Variants in DACH1 observed in about 807,000 individuals in gnomAD.
DACH1 encodes dachshund family transcription factor 1.
DACH1 carries 12 observed loss-of-function variants against 54.2 expected under a neutral mutation model. The ratio of observed to expected loss-of-function variants is 0.22; its 90% confidence interval spans 0.14 to 0.36. DACH1 has a LOEUF of 0.36. Among genes scored for constraint, DACH1 ranks in the 10% least tolerant of loss-of-function variants. The pLI is 1.00. For missense variants in DACH1, 805 were observed against 929.8 expected (o/e 0.87, Z 1.75); for synonymous variants, 386 against 366.2 (o/e 1.05, Z -0.62).
intron 3 of DACH1, among the ~76,000 whole-genome samples, chr13:71,593,972 T>C (rs908418115): frequency 6.6e-6 from 1 of 151,458 alleles, no homozygotes; most frequent in African/African-American, 2.4e-5. Context: ...GTTAACAATA[T>C]AATTTCCAAT....
chr13:71,573,185 T>C (rs1255269884), intron 3 of DACH1, among the ~76,000 whole-genome samples, 173 bp from the exon 4 acceptor site: 1 of 152,198 alleles, frequency 6.6e-6, no homozygotes, highest in Non-Finnish European at 1.5e-5. Context: ...TCTGGTTTGG[T>C]GCCCTGGTTT....
chr13:71,679,941 C>CAAAA (rs71123298), intron 2 of DACH1, among the ~76,000 whole-genome samples: 6 of 70,158 alleles, frequency 8.6e-5, no homozygotes, highest in Non-Finnish European at 1.2e-4. Context: ...GACTCCGTCT[C>CAAAA]AAAAAAAAAA....
chr13:71,506,765 A>G (rs1370374207), intron 6 of DACH1, among the ~76,000 whole-genome samples: 2 of 152,124 alleles, frequency 1.3e-5, no homozygotes, highest in South Asian at 2.1e-4. Context: ...ATCTACAACT[A>G]TCTGATCTTT....
At chr13:71,710,913 T>C (rs1042363931) in intron 1 of DACH1, among the ~76,000 whole-genome samples, 1 of 152,176 alleles carries the variant, frequency 6.6e-6, no homozygotes, top group African/African-American at 2.4e-5. Flanking sequence ...TTAGAAAAAT[T>C]AAATATTACT....
At chr13:71,448,552 A>C (rs866260678) in intron 10 of DACH1, among the ~76,000 whole-genome samples, 18 of 152,160 alleles carry the variant, frequency 1.2e-4, no homozygotes, top group African/African-American at 4.3e-4. Flanking sequence ...CTTTTTTTAT[A>C]ATTTTATATT....
At chr13:71,662,756 G>A (rs1879591836) in intron 2 of DACH1, among the ~76,000 whole-genome samples, 1 of 151,872 alleles carries the variant, frequency 6.6e-6, no homozygotes, top group African/African-American at 2.4e-5. Context: ...TACAAATGAA[G>A]TTTTGAGTTG....
rs188404514 is a variant in DACH1 at position 71,653,070 on chromosome 13, A to G, written c.965-22353T>C. Among the ~76,000 whole-genome samples the G allele has an allele frequency of 5.3e-5, 8 of 152,190 alleles. No homozygotes were observed. In the East Asian group the frequency reaches 9.6e-4, roughly 18 times the overall value. Reference sequence around the variant, plus strand: ...TAAACTAAAACACACATTTGGTTAAACTGTATGAAATTGCTGATATTTGAC... The same window carrying G: ...TAAACTAAAACACACATTTGGTTAAGCTGTATGAAATTGCTGATATTTGAC... On this transcript the variant is annotated intron_variant, in intron 2 of 10. Coordinates refer to ENST00000613252, the MANE Select transcript of DACH1 (RefSeq NM_080759.6).
chr13:71,636,063 C>A (rs543043467), intron 2 of DACH1, among the ~76,000 whole-genome samples: 2 of 152,254 alleles, frequency 1.3e-5, no homozygotes, highest in South Asian at 4.1e-4. Flanking sequence ...GGATTACAGG[C>A]ATGAGCCACT....
rs568255875 is a variant in DACH1, at chr13:71,699,464, T to C, written c.849-17554A>G. Among the ~76,000 whole-genome samples, 10 of 152,340 alleles carry C rather than the reference T, an allele frequency of 6.6e-5. 1 individual carries two copies. The highest frequency in any genetic ancestry group is 3.4e-3 in the Middle Eastern group (1 of 294). On this transcript the variant is annotated intron_variant, in intron 1 of 10. Coordinates refer to ENST00000613252, the MANE Select transcript of DACH1 (RefSeq NM_080759.6). ...CAATCTCAAGGCTTCCCTGGTTGAA[T>C]GACAAAGAGTAGTATATCTTCCCAG...
intron 7 of DACH1, among the ~76,000 whole-genome samples, chr13:71,485,844 G>A (rs1216252917): frequency 6.6e-6 from 1 of 151,496 alleles, no homozygotes; most frequent in Non-Finnish European, 1.5e-5. Context: ...GCCTCCCAAA[G>A]TGCTGGGATT....
chr13:71,664,883 C>A (rs75226640), intron 2 of DACH1, among the ~76,000 whole-genome samples: 2,268 of 151,898 alleles, frequency 0.015, 64 homozygotes, highest in African/African-American at 0.051. Context: ...AAAGTATGAC[C>A]ATAATTTCTG....
chr13:71,854,753 C>T (rs897080247), intron 1 of DACH1, among the ~76,000 whole-genome samples: 1 of 151,938 alleles, frequency 6.6e-6, no homozygotes, highest in Non-Finnish European at 1.5e-5. Context: ...GTGCAATAGC[C>T]ATGTTAAATC....
intron 1 of DACH1, among the ~76,000 whole-genome samples, chr13:71,748,848 TTC>T (rs1277049140): frequency 5.0e-4 from 14 of 28,196 alleles, no homozygotes; most frequent in African/African-American, 1.1e-3. Context: ...TTTTTTCTCT[TTC>T]TTTCTTTCTT....
intron 2 of DACH1, among the ~76,000 whole-genome samples, chr13:71,665,781 G>A (rs1292070501): frequency 6.6e-6 from 1 of 151,928 alleles, no homozygotes; most frequent in Non-Finnish European, 1.5e-5. Flanking sequence ...AGAGATTAAT[G>A]GATTCCTTGG....
chr13:71,825,334 T>C (rs1888338134), intron 1 of DACH1, among the ~76,000 whole-genome samples: 1 of 152,154 alleles, frequency 6.6e-6, no homozygotes, highest in African/African-American at 2.4e-5. Context: ...TCACCTATCA[T>C]ACATTCACTA....
chr13:71,708,131 AG>A (rs1316696249), intron 1 of DACH1, among the ~76,000 whole-genome samples: 3 of 151,618 alleles, frequency 2.0e-5, no homozygotes, highest in Non-Finnish European at 2.9e-5. Context: ...AAAAAAAAAA[AG>A]TAAAAACAAA....
chr13:71,543,283 A>G (rs75452910), intron 6 of DACH1, among the ~76,000 whole-genome samples: 6,716 of 152,216 alleles, frequency 0.044, 218 homozygotes, highest in South Asian at 0.13. Flanking sequence ...CACTGGAATC[A>G]GCACACATCC....
chr13:71,705,706 C>A (rs931199743), intron 1 of DACH1, among the ~76,000 whole-genome samples: 1 of 151,884 alleles, frequency 6.6e-6, no homozygotes, highest in Non-Finnish European at 1.5e-5. Flanking sequence ...TGTTAAAGAG[C>A]CAAAAGACTT....
intron 1 of DACH1, among the ~76,000 whole-genome samples, chr13:71,742,253 C>G (rs1884420066): frequency 6.6e-6 from 1 of 152,124 alleles, no homozygotes; most frequent in African/African-American, 2.4e-5. Context: ...TCAGGTATGT[C>G]TTTGTCAACA....
Sources: allele counts gnomAD v4.1 joint callset (sites outside exome capture counted in the v4.1 genomes callset), GRCh38; gene constraint gnomAD v4.1.1; transcripts MANE v1.5; gene names NCBI Gene and HGNC (gene_info 2026-07-23, HGNC 2026-07-21).